Variants in GALNT17 observed in about 807,000 individuals in gnomAD.
GALNT17 encodes the protein polypeptide N-acetylgalactosaminyltransferase 17.
Under a neutral mutation model 63.7 loss-of-function variants are expected in GALNT17, and 29 were observed. That is an observed-to-expected ratio of 0.46 (90% CI 0.34 to 0.62). GALNT17 has a LOEUF of 0.62. Ranked by LOEUF, GALNT17 falls within the 20% of genes least tolerant of loss-of-function variation. The pLI, the probability that GALNT17 is intolerant of heterozygous loss-of-function variation, is 0.01. For synonymous variants in GALNT17, 305 were observed against 318.3 expected (o/e 0.96, Z 0.45); for missense variants, 603 against 799.6 (o/e 0.75, Z 2.97).
At chr7:71,590,627 A>T (rs1271016934) in intron 6 of GALNT17, among the ~76,000 whole-genome samples, 1 of 152,204 alleles carries the variant, frequency 6.6e-6, no homozygotes, top group Non-Finnish European at 1.5e-5. Flanking sequence ...CCACAGAAAA[A>T]GGGAGGGGAC....
intron 5 of GALNT17, among the ~76,000 whole-genome samples, chr7:71,511,670 C>A (rs898073506): frequency 6.6e-6 from 1 of 152,114 alleles, no homozygotes; most frequent in Non-Finnish European, 1.5e-5. Context: ...TTTGAAGACC[C>A]TTTCCTGCCA....
chr7:71,610,119 CAATATAATAAAATCAAAAATTGAT>C (rs1360028170), intron 6 of GALNT17, among the ~76,000 whole-genome samples: 2 of 151,950 alleles, frequency 1.3e-5, no homozygotes, highest in Non-Finnish European at 2.9e-5. Flanking sequence ...TCTCCGATCA[CAATATAATAAAATCAAAAATTGAT>C]AATATAGAAT....
At chr7:71,164,299 A>G (rs562222487) in intron 1 of GALNT17, among the ~76,000 whole-genome samples, 1 of 152,324 alleles carries the variant, frequency 6.6e-6, no homozygotes, top group East Asian at 1.9e-4. Context: ...GTGGAAGCTG[A>G]AGGGGAAGCA....
intron 1 of GALNT17, among the ~76,000 whole-genome samples, chr7:71,278,940 T>C (rs942930294): frequency 6.6e-6 from 1 of 151,624 alleles, no homozygotes; most frequent in South Asian, 2.1e-4. Flanking sequence ...TTTTTTTTTT[T>C]AATTGAGATG....
intron 1 of GALNT17, among the ~76,000 whole-genome samples, chr7:71,162,081 T>TTTCCTTCCTCCCTCCCTCCC (rs1788353702): frequency 1.7e-5 from 1 of 59,400 alleles, no homozygotes; most frequent in African/African-American, 9.8e-5. Context: ...TCCTTCCTTC[T>TTTCCTTCCTCCCTCCCTCCC]TTCCTTCCTC....
intron 1 of GALNT17, among the ~76,000 whole-genome samples, chr7:71,273,357 T>G (rs2115708848): frequency 6.6e-6 from 1 of 152,350 alleles, no homozygotes; most frequent in East Asian, 1.9e-4. Flanking sequence ...CCTCTTGAAC[T>G]ATTTGTTTCA....
intron 1 of GALNT17, among the ~76,000 whole-genome samples, chr7:71,260,594 T>A (rs1462640397): frequency 7.3e-6 from 1 of 137,340 alleles, no homozygotes; most frequent in Non-Finnish European, 1.5e-5. Flanking sequence ...TTGGATTTTT[T>A]AAAATCTTTT....
chr7:71,372,266 G>A (rs1255970012), intron 2 of GALNT17, among the ~76,000 whole-genome samples: 1 of 152,166 alleles, frequency 6.6e-6, no homozygotes, highest in Non-Finnish European at 1.5e-5. Flanking sequence ...CCGGCCTCAA[G>A]CGATTCTCCT....
intron 5 of GALNT17, among the ~76,000 whole-genome samples, chr7:71,505,435 CA>C: frequency 6.6e-6 from 1 of 152,122 alleles, no homozygotes; most frequent in East Asian, 1.9e-4. Flanking sequence ...CCCATCTCTA[CA>C]AAAAAATATA....
chr7:71,257,610 G>A (rs1001259161), intron 1 of GALNT17, among the ~76,000 whole-genome samples: 3 of 152,148 alleles, frequency 2.0e-5, no homozygotes, highest in Non-Finnish European at 4.4e-5. Context: ...TTAGTGTGAC[G>A]CTGAACCTCG....
chr7:71,461,337 A>G (rs1281344767), intron 5 of GALNT17, among the ~76,000 whole-genome samples: 1 of 152,236 alleles, frequency 6.6e-6, no homozygotes, highest in African/African-American at 2.4e-5. Flanking sequence ...CGGAAGGAGA[A>G]CATAGGAAAG....
rs541520201 is a variant in GALNT17, at chr7:71,627,809, G to C, written c.1081-37602G>C. On this transcript the variant is annotated intron_variant, in intron 6 of 10. Coordinates refer to ENST00000333538, the MANE Select transcript of GALNT17 (RefSeq NM_022479.3). The stretch of plus-strand genomic sequence containing the variant: ...CAACTGCCAAGAACAATGCCCCCCC[G>C]CCCCATAGACTTGTACATCCCTCCT... Among the ~76,000 whole-genome samples the C allele has an allele frequency of 5.5e-4, 83 of 152,048 alleles. 1 individual carries two copies. Among genetic ancestry groups the C allele is most frequent in the African/African-American group, 2.0e-3 (81 of 41,450 alleles).
chr7:71,383,670 G>A (rs2116326754), intron 2 of GALNT17, among the ~76,000 whole-genome samples: 1 of 152,256 alleles, frequency 6.6e-6, no homozygotes, highest in South Asian at 2.1e-4. Flanking sequence ...CTGGCCTCTA[G>A]CACTCTTCCC....
chr7:71,637,231 G>A (rs935012082), intron 6 of GALNT17, among the ~76,000 whole-genome samples: 1 of 152,010 alleles, frequency 6.6e-6, no homozygotes, highest in Non-Finnish European at 1.5e-5. Flanking sequence ...CTGTTGCCAG[G>A]CTGGAGTGCA....
intron 1 of GALNT17, among the ~76,000 whole-genome samples, chr7:71,251,549 A>G (rs1790197797): frequency 6.6e-6 from 1 of 152,070 alleles, no homozygotes; most frequent in South Asian, 2.1e-4. Flanking sequence ...AGCTAGGACT[A>G]TAGGTGTGCA....
intron 1 of GALNT17, among the ~76,000 whole-genome samples, chr7:71,304,620 A>G (rs1287668731): frequency 6.6e-6 from 1 of 152,104 alleles, no homozygotes; most frequent in Non-Finnish European, 1.5e-5. Flanking sequence ...GTGTTTGCTT[A>G]TTTGTGTCAA....
At chr7:71,190,301 G>A (rs1788928195) in intron 1 of GALNT17, among the ~76,000 whole-genome samples, 1 of 152,188 alleles carries the variant, frequency 6.6e-6, no homozygotes, top group South Asian at 2.1e-4. Flanking sequence ...TTGGATCATG[G>A]TAGCGGATCC....
At chr7:71,414,613 C>T (rs914380602) in intron 3 of GALNT17, among the ~76,000 whole-genome samples, 7 of 152,140 alleles carry the variant, frequency 4.6e-5, no homozygotes, top group African/African-American at 1.4e-4. Context: ...ATTTGATACC[C>T]GGATGTGGTG....
intron 1 of GALNT17, chr7:71,300,603 C>T (rs764143536): frequency 1.3e-5 from 4 of 297,626 alleles, no homozygotes; most frequent in African/African-American, 4.5e-5. Flanking sequence ...TGCGCGTGCA[C>T]ATACACACAA....
Sources: allele counts gnomAD v4.1 joint callset (sites outside exome capture counted in the v4.1 genomes callset), GRCh38; gene constraint gnomAD v4.1.1; transcripts MANE v1.5; gene names NCBI Gene and HGNC (gene_info 2026-07-23, HGNC 2026-07-21).